SSU72: variants seen among roughly 807,000 people sequenced by gnomAD.
The protein encoded by SSU72 is RNA polymerase II subunit A C-terminal domain phosphatase SSU72.
SSU72 carries 12 observed loss-of-function variants against 22.7 expected under a neutral mutation model. That is an observed-to-expected ratio of 0.53 (90% CI 0.34 to 0.86). The LOEUF (loss-of-function observed/expected upper bound fraction) is 0.86, where lower values mean the gene tolerates loss of function less well. SSU72 is among the 40% of genes least tolerant of loss of function. The probability of loss-of-function intolerance (pLI) is 0.02; values close to 1 mark genes in which losing one functional copy is unlikely to be tolerated. For synonymous variants in SSU72, 116 were observed against 98.3 expected (o/e 1.18, Z -1.06); for missense variants, 151 against 249.8 (o/e 0.60, Z 2.67).
At chr1:1,567,607 C>G (rs927728143) in intron 1 of SSU72, among the ~76,000 whole-genome samples, 6 of 152,126 alleles carry the variant, frequency 3.9e-5, no homozygotes, top group Non-Finnish European at 8.8e-5. Context: ...TGAGAAACAA[C>G]AAGCCTAAAA....
intron 2 of SSU72, chr1:1,564,545 C>T: frequency 6.4e-7 from 1 of 1,560,090 alleles, no homozygotes; most frequent in East Asian, 2.4e-5. Flanking sequence ...TCAGGGTGAA[C>T]CCCACACCGT....
Position 1,542,263 on chromosome 1 carries a change from G to A in SSU72, c.484-96C>T. 2 of 1,185,548 alleles carry A rather than the reference G, an allele frequency of 1.7e-6. No individual in the cohort carries two copies. Among genetic ancestry groups the A allele is most frequent in the Non-Finnish European group, 2.4e-6 (2 of 826,608 alleles). The allele number at this position is 1,185,548 out of a possible 1,614,324, so 73.4% of individuals were successfully genotyped here. A position where few individuals can be genotyped will look rare whatever the true frequency, so the allele number is the denominator to read the frequency against. ...CCAGGGAAACGCCAGGCCTGAGCCA[G>A]CAGAAACCAGCGCAGCAGGCAGGCC... is the stretch of plus-strand genomic sequence containing the variant. On this transcript the variant is annotated intron_variant, in intron 4 of 4. Transcript: ENST00000291386. The surrounding 1 kb of genome is among the most constrained non-coding windows in gnomAD (Gnocchi z 4.4).
intron 2 of SSU72, among the ~76,000 whole-genome samples, chr1:1,557,008 T>G (rs1025249959): frequency 1.8e-4 from 28 of 152,372 alleles, no homozygotes; most frequent in Admixed American, 3.3e-4. Flanking sequence ...ATTTACATTT[T>G]AGGCATGAAT....
chr1:1,571,121 T>C (rs572591912), intron 1 of SSU72, among the ~76,000 whole-genome samples: 3 of 151,962 alleles, frequency 2.0e-5, no homozygotes, highest in Admixed American at 2.0e-4. Flanking sequence ...AGCGGGTGCC[T>C]GTAGTCCCAG....
At chr1:1,551,127 A>G (rs1188877044) in intron 2 of SSU72, among the ~76,000 whole-genome samples, 1 of 152,158 alleles carries the variant, frequency 6.6e-6, no homozygotes, top group Non-Finnish European at 1.5e-5. Context: ...GCAAAGCCTA[A>G]AGCACACACT....
Position 1,542,200 on chromosome 1 carries a change from C to G in SSU72, c.484-33G>C. ...GACAGGACCGTGGTGAGGGCCTTGC[C>G]CACTCCTGCCTGTCTGCTCCCCCTA... On this transcript the variant is annotated intron_variant, in intron 4 of 4. Coordinates refer to ENST00000291386, the MANE Select transcript of SSU72 (RefSeq NM_014188.3). This position sits in a 1 kb window ranked among gnomAD's most constrained non-coding sequence, Gnocchi z 4.4. 6.5e-7 allele frequency: 1 copy of G among 1,548,452 alleles called. No homozygotes were observed.
intron 1 of SSU72, among the ~76,000 whole-genome samples, chr1:1,571,534 C>T (rs1052030278): frequency 2.6e-5 from 4 of 151,844 alleles, no homozygotes; most frequent in East Asian, 3.9e-4. Context: ...AATTTACTTC[C>T]TTTTGACTCT....
intron 2 of SSU72, among the ~76,000 whole-genome samples, chr1:1,551,629 C>T (rs1339141829): frequency 1.3e-5 from 2 of 152,360 alleles, no homozygotes; most frequent in South Asian, 2.1e-4. Flanking sequence ...CGCTGCTTCC[C>T]GAGCTCCCAT....
In SSU72 at chr1:1,564,794, A is replaced by C; in HGVS notation, c.203T>G (p.Leu68Arg). ...ATACAGTTCTTTGTCTTTCCTAAGA[A>C]GATCATTGTACATCTGGTCATATGT... Reference protein sequence around the residue: ...KTTYDQMYNDLLRKDKELYTQ... With the variant: ...KTTYDQMYNDRLRKDKELYTQ... The change falls in exon 2 of 5, where the codon CTT becomes CGT. Residue 68 changes from leucine (L) to arginine (R), a missense_variant. Physicochemically the swap from Leu to Arg is moderately radical, Grantham distance 102. Transcript: ENST00000291386. 6.2e-7 allele frequency: 1 copy of C among 1,614,214 alleles called. No individual in the cohort carries two copies. The highest frequency in any genetic ancestry group is 8.5e-7 in the Non-Finnish European group (1 of 1,180,048).
intron 1 of SSU72, among the ~76,000 whole-genome samples, chr1:1,566,806 A>G (rs1176294169): frequency 6.6e-6 from 1 of 151,852 alleles, no homozygotes; most frequent in African/African-American, 2.4e-5. Context: ...GTGAGCTGAG[A>G]TCGCGCCACT....
chr1:1,544,502 C>T (rs1642368076), intron 3 of SSU72: 1 of 326,422 alleles, frequency 3.1e-6, no homozygotes, highest in African/African-American at 2.1e-5. Flanking sequence ...CCTGTAGTCC[C>T]AGCTACTCGG....
At position 1,574,679 on chromosome 1, in the gene SSU72, C is replaced by T; in HGVS notation, c.-122G>A. 2.9e-6 allele frequency: 3 copies of T among 1,035,812 alleles called. No individual in the cohort carries two copies. The highest frequency in any genetic ancestry group is 3.3e-5 in the East Asian group (1 of 29,860). The allele number at this position is 1,035,812 out of a possible 1,614,324, so 64.2% of individuals were successfully genotyped here. ...GGGCGACGCGAAACGACGGCGCCGG[C>T]GGTGTAGCGTGCGGCGACTGCGCGG... On this transcript the variant is annotated 5_prime_UTR_variant, in exon 1 of 5. Transcript: ENST00000291386.
intron 2 of SSU72, among the ~76,000 whole-genome samples, chr1:1,550,592 C>G (rs921824629): frequency 5.9e-5 from 9 of 152,238 alleles, no homozygotes; most frequent in Non-Finnish European, 1.3e-4. Flanking sequence ...GGGCCCCAGG[C>G]TGCTGGCCCC....
intron 2 of SSU72, 97 bp from the exon 3 acceptor site, chr1:1,545,099 C>G: frequency 6.9e-7 from 1 of 1,440,170 alleles, no homozygotes; most frequent in East Asian, 2.3e-5. Context: ...CCCTGCCCCA[C>G]AGCAGAGGCA....
intron 2 of SSU72, among the ~76,000 whole-genome samples, chr1:1,549,027 A>G (rs1367054137): frequency 2.0e-5 from 3 of 152,136 alleles, no homozygotes; most frequent in African/African-American, 4.8e-5. Flanking sequence ...GGTCCCAGCT[A>G]CTCGGGAGGC....
At chr1:1,550,191 AG>A (rs1200560905) in intron 2 of SSU72, among the ~76,000 whole-genome samples, 1 of 143,696 alleles carries the variant, frequency 7.0e-6, no homozygotes, top group Non-Finnish European at 1.5e-5. Context: ...AAAAAAAAAA[AG>A]TATATATATA....
At chr1:1,570,756 G>C (rs1331089578) in intron 1 of SSU72, among the ~76,000 whole-genome samples, 3 of 152,248 alleles carry the variant, frequency 2.0e-5, no homozygotes, top group Non-Finnish European at 4.4e-5. Context: ...AACACATGGA[G>C]ACAGACGGAC....
At chr1:1,560,853 A>G (rs1642581107) in intron 2 of SSU72, 1 of 152,250 alleles carries the variant, frequency 6.6e-6, no homozygotes, top group Admixed American at 6.5e-5. Flanking sequence ...AAGTATTTCA[A>G]TACTAATAGG....
intron 2 of SSU72, among the ~76,000 whole-genome samples, chr1:1,553,102 A>G (rs1312222995): frequency 6.6e-6 from 1 of 152,056 alleles, no homozygotes; most frequent in Non-Finnish European, 1.5e-5. Context: ...ACACAAAACC[A>G]GACTAAACCC....
Sources: gnomAD v4.1 joint callset for allele counts (sites outside exome capture counted in the v4.1 genomes callset) on GRCh38, gnomAD v4.1.1 for gene constraint, Gnocchi (gnomAD v3.1) non-coding constraint, MANE v1.5 for transcripts, NCBI Gene and HGNC (gene_info 2026-07-23, HGNC 2026-07-21) for gene names.